Variants in NHS observed in about 807,000 individuals in gnomAD.
NHS encodes the protein NHS actin remodeling regulator, also known as actin remodeling regulator NHS.
Under a neutral mutation model 72.5 loss-of-function variants are expected in NHS, and 5 were observed. That is an observed-to-expected ratio of 0.07 (90% confidence interval 0.04 to 0.14). The LOEUF is 0.14. NHS is among the 10% of genes least tolerant of loss of function. NHS has a pLI of 1.00. For missense variants in NHS, 1,072 were observed against 1,355.7 expected (o/e 0.79, Z 3.29); for synonymous variants, 464 against 547.7 (o/e 0.85, Z 2.13).
intron 3 of NHS, among the ~76,000 whole-genome samples, chrX:17,718,412 A>G (rs2066378068): frequency 1.1e-5 from 1 of 91,450 alleles, no homozygotes; most frequent in Non-Finnish European, 2.1e-5. Flanking sequence ...GGGAAGGAAA[A>G]AGGAAGGAGA....
At chrX:17,681,385 C>A (rs12392874) in intron 1 of NHS, among the ~76,000 whole-genome samples, 17,461 of 111,045 alleles carry the variant, frequency 0.16, 2,281 homozygotes, top group African/African-American at 0.41. Context: ...CTGTGATTCC[C>A]CTTTCATAGA....
At chrX:17,703,631 T>C (rs778294123) in intron 3 of NHS, among the ~76,000 whole-genome samples, 10 of 112,579 alleles carry the variant, frequency 8.9e-5, no homozygotes, top group African/African-American at 3.2e-4. Flanking sequence ...CAGCTGATGC[T>C]ACAATACATT....
At chrX:17,497,877 T>A (rs753885311) in intron 1 of NHS, among the ~76,000 whole-genome samples, 93 of 112,097 alleles carry the variant, frequency 8.3e-4, no homozygotes, top group African/African-American at 2.7e-3. Flanking sequence ...TTCTTGCTCC[T>A]GCAAACAGTG....
intron 1 of NHS, among the ~76,000 whole-genome samples, chrX:17,395,971 C>T (rs1308906933): frequency 8.9e-6 from 1 of 112,253 alleles, no homozygotes; most frequent in Non-Finnish European, 1.9e-5. Context: ...CATTACAACT[C>T]ATTGGTACAG....
intron 1 of NHS, among the ~76,000 whole-genome samples, chrX:17,498,360 C>T (rs1360659895): frequency 9.0e-6 from 1 of 111,141 alleles, no homozygotes; most frequent in Non-Finnish European, 1.9e-5. Flanking sequence ...CCTTCCCACA[C>T]CTGCCTCTAT....
At chrX:17,416,656 A>G (rs1199976062) in intron 1 of NHS, among the ~76,000 whole-genome samples, 1 of 112,186 alleles carries the variant, frequency 8.9e-6, no homozygotes, top group Non-Finnish European at 1.9e-5. Flanking sequence ...AGTCTGCTGC[A>G]AGCCTGGTGA....
intron 1 of NHS, among the ~76,000 whole-genome samples, chrX:17,573,517 T>G (rs1002616346): frequency 4.6e-5 from 5 of 109,782 alleles, no homozygotes; most frequent in Non-Finnish European, 9.5e-5. Flanking sequence ...GTAATGTGGT[T>G]TTCAGCTCCA....
intron 1 of NHS, among the ~76,000 whole-genome samples, chrX:17,589,853 A>T (rs1214023010): frequency 9.0e-6 from 1 of 111,134 alleles, no homozygotes; most frequent in Non-Finnish European, 1.9e-5. Flanking sequence ...ATTATTTTTT[A>T]TATTTTTTTG....
chrX:17,497,263 C>A (rs1434491018), intron 1 of NHS, among the ~76,000 whole-genome samples: 1 of 111,738 alleles, frequency 8.9e-6, no homozygotes, highest in East Asian at 2.8e-4. Context: ...TAATAAAGCC[C>A]AAATAGTAAA....
intron 1 of NHS, among the ~76,000 whole-genome samples, chrX:17,436,309 A>C (rs2064722284): frequency 9.0e-6 from 1 of 111,073 alleles, no homozygotes; most frequent in Non-Finnish European, 1.9e-5. Flanking sequence ...ACTTAGACCC[A>C]TTCTTAACTA....
intron 1 of NHS, among the ~76,000 whole-genome samples, chrX:17,454,788 G>A (rs1270447679): frequency 2.7e-5 from 3 of 111,854 alleles, no homozygotes; most frequent in Non-Finnish European, 3.8e-5. Context: ...AGGCATCTAC[G>A]GACTCCATCA....
chrX:17,398,367 G>A (rs890980883), intron 1 of NHS, among the ~76,000 whole-genome samples: 1 of 112,183 alleles, frequency 8.9e-6, no homozygotes, highest in African/African-American at 3.2e-5. Flanking sequence ...TTTAAAGATC[G>A]AGACTCAAAA....
At chrX:17,641,917 G>A (rs1408955670) in intron 1 of NHS, among the ~76,000 whole-genome samples, 1 of 111,821 alleles carries the variant, frequency 8.9e-6, no homozygotes, top group Non-Finnish European at 1.9e-5. Flanking sequence ...AAATGTATTA[G>A]CCAGAGAAAC....
At chrX:17,558,783 C>A (rs955043026) in intron 1 of NHS, among the ~76,000 whole-genome samples, 1 of 111,966 alleles carries the variant, frequency 8.9e-6, no homozygotes, top group African/African-American at 3.3e-5. Context: ...TGCTATGTAC[C>A]CCTTCATGAG....
chrX:17,503,839 C>T (rs1350157576), intron 1 of NHS, among the ~76,000 whole-genome samples: 2 of 111,280 alleles, frequency 1.8e-5, no homozygotes, highest in Non-Finnish European at 3.8e-5. Flanking sequence ...CTGTGCATAG[C>T]TCTTAAGTCC....
intron 1 of NHS, among the ~76,000 whole-genome samples, chrX:17,647,747 A>G (rs2065912596): frequency 9.0e-6 from 1 of 111,686 alleles, no homozygotes; most frequent in African/African-American, 3.3e-5. Context: ...TCTTCCTTCC[A>G]TCCACTGATT....
intron 1 of NHS, among the ~76,000 whole-genome samples, chrX:17,396,277 C>T (rs978607800): frequency 5.4e-5 from 6 of 111,853 alleles, no homozygotes; most frequent in Admixed American, 9.5e-5. Flanking sequence ...CTTGTATTTT[C>T]TTGTGTGGTA....
chrX:17,590,070 G>C (rs1404149741), intron 1 of NHS, among the ~76,000 whole-genome samples: 1 of 111,953 alleles, frequency 8.9e-6, no homozygotes, highest in Non-Finnish European at 1.9e-5. Context: ...CTGTGTGTGT[G>C]CAAGTGTGTA....
At chrX:17,473,174 G>A (rs1366413897) in intron 1 of NHS, among the ~76,000 whole-genome samples, 1 of 112,014 alleles carries the variant, frequency 8.9e-6, no homozygotes, top group Non-Finnish European at 1.9e-5. Context: ...AGAATAAGTG[G>A]TGGTAGATGG....
Sources: gnomAD v4.1 joint callset for allele counts (sites outside exome capture counted in the v4.1 genomes callset) on GRCh38, gnomAD v4.1.1 for gene constraint, MANE v1.5 for transcripts, NCBI Gene and HGNC (gene_info 2026-07-23, HGNC 2026-07-21) for gene names.